WDR33: variants seen among roughly 807,000 people sequenced by gnomAD.
The protein encoded by WDR33 is pre-mRNA 3' end processing protein WDR33.
Under a neutral mutation model 164.9 loss-of-function variants are expected in WDR33, and 47 were observed. That is an observed-to-expected ratio of 0.29 (90% confidence interval 0.23 to 0.36). The LOEUF (loss-of-function observed/expected upper bound fraction) is 0.36, where lower values mean the gene tolerates loss of function less well. Ranked by LOEUF, WDR33 falls within the 10% of genes least tolerant of loss-of-function variation. The probability of loss-of-function intolerance (pLI) is 1.00; values close to 1 mark genes in which losing one functional copy is unlikely to be tolerated. For missense variants in WDR33, 1,137 were observed against 1,754.1 expected (o/e 0.65, Z 6.28); for synonymous variants, 505 against 589.0 (o/e 0.86, Z 2.06).
chr2:127,797,674 AT>A, intron 1 of WDR33, among the ~76,000 whole-genome samples: 1 of 152,196 alleles, frequency 6.6e-6, no homozygotes, highest in South Asian at 2.1e-4. Flanking sequence ...AAGGGTCTAG[AT>A]TTGATGATCT....
At chr2:127,731,777 T>G (rs1017270261) in intron 7 of WDR33, among the ~76,000 whole-genome samples, 2 of 152,152 alleles carry the variant, frequency 1.3e-5, no homozygotes, top group Non-Finnish European at 2.9e-5. Context: ...AAAGGGTACA[T>G]ATTACCTTAT....
rs762085545 is a variant in WDR33, at chr2:127,706,283, A to C, written c.*40T>G. On this transcript the variant is annotated 3_prime_UTR_variant, in exon 22 of 22. Coordinates refer to ENST00000322313, the MANE Select transcript of WDR33 (RefSeq NM_018383.5). The surrounding 1 kb of genome is among the most constrained non-coding windows in gnomAD (Gnocchi z 5.1). ...TGGTGAGTCCACAAGAAGTTCTTACATACTGTCCAGAGAGGCCTCAGGGTA... is the reference window on the plus strand; with the variant it reads ...TGGTGAGTCCACAAGAAGTTCTTACCTACTGTCCAGAGAGGCCTCAGGGTA... 3.4e-6 allele frequency: 5 copies of C among 1,482,496 alleles called. No individual in the cohort carries two copies. The highest frequency in any genetic ancestry group is 4.8e-5 in the Admixed American group (2 of 41,322). The allele number at this position is 1,482,496 out of a possible 1,614,324, so 91.8% of individuals were successfully genotyped here.
chr2:127,801,727 A>C (rs1380062302), intron 1 of WDR33, among the ~76,000 whole-genome samples: 2 of 152,068 alleles, frequency 1.3e-5, no homozygotes, highest in African/African-American at 4.8e-5. Context: ...TACTAAAAAT[A>C]CAAAAAATTA....
chr2:127,711,780 A>ATATATATATATATATATATATATTTTT, intron 18 of WDR33, among the ~76,000 whole-genome samples: 1 of 88,304 alleles, frequency 1.1e-5, no homozygotes, highest in African/African-American at 6.5e-5. Flanking sequence ...ATATATATAT[A>ATATATATATATATATATATATATTTTT]TTTTTTTTTT....
At chr2:127,750,602 T>C (rs1420679214) in intron 7 of WDR33, among the ~76,000 whole-genome samples, 2 of 132,828 alleles carry the variant, frequency 1.5e-5, no homozygotes, top group African/African-American at 5.8e-5. Flanking sequence ...TGAGTCGAGA[T>C]TGTAATCATT....
chr2:127,795,814 A>G (rs767460642), intron 1 of WDR33, among the ~76,000 whole-genome samples: 23 of 151,154 alleles, frequency 1.5e-4, no homozygotes, highest in Non-Finnish European at 2.9e-4. Flanking sequence ...AGCCTGGGCA[A>G]CACAGCAAGG....
intron 1 of WDR33, among the ~76,000 whole-genome samples, chr2:127,809,032 A>C (rs1337256414): frequency 9.2e-5 from 1 of 10,870 alleles, no homozygotes; most frequent in East Asian, 5.2e-3. Context: ...CTCTTGTCTC[A>C]AAAAAAAAAA....
rs1280803087 is a variant in WDR33, at chr2:127,735,089, C to G, written c.725-8312G>C. Among the ~76,000 whole-genome samples the G allele has an allele frequency of 6.6e-6, 1 of 152,202 alleles. No homozygotes were observed. Among genetic ancestry groups the G allele is most frequent in the Non-Finnish European group, 1.5e-5 (1 of 68,030 alleles). Reference sequence around the variant, plus strand: ...CTTGCTTTGTAGATAGTGAAGACTTCTTGTTCATTATTCCCTGTCCCAGAA... The same window carrying G: ...CTTGCTTTGTAGATAGTGAAGACTTGTTGTTCATTATTCCCTGTCCCAGAA... On this transcript the variant is annotated intron_variant, in intron 7 of 21. Coordinates refer to ENST00000322313, the MANE Select transcript of WDR33 (RefSeq NM_018383.5). The surrounding 1 kb of genome is among the most constrained non-coding windows in gnomAD (Gnocchi z 4.3).
At chr2:127,806,210 CT>C (rs200197402) in intron 1 of WDR33, among the ~76,000 whole-genome samples, 18,181 of 132,540 alleles carry the variant, frequency 0.14, 801 homozygotes, top group South Asian at 0.24. Flanking sequence ...TTTTCTTTTT[CT>C]TTTTTTTTTT....
Position 127,708,387 on chromosome 2 carries a change from G to A in WDR33, c.3781+290C>T, listed in dbSNP as rs1686067609. Reference sequence around the variant, plus strand: ...CAAGCAGCCTTGTGGAGGGCAGACTGCCAAGGAGAGCAGGGCTCCCAGACA... The same window carrying A: ...CAAGCAGCCTTGTGGAGGGCAGACTACCAAGGAGAGCAGGGCTCCCAGACA... On this transcript the variant is annotated intron_variant, in intron 21 of 21. Transcript: ENST00000322313. The surrounding 1 kb of genome is among the most constrained non-coding windows in gnomAD (Gnocchi z 6.7). 6.6e-6 allele frequency among the ~76,000 whole-genome samples: 1 copy of A among 152,218 alleles called. No individual in the cohort carries two copies. Among genetic ancestry groups the A allele is most frequent in the East Asian group, 1.9e-4 (1 of 5,196 alleles).
At chr2:127,737,815 A>G (rs899962908) in intron 7 of WDR33, 1 of 1,352,764 alleles carries the variant, frequency 7.4e-7, no homozygotes, top group Non-Finnish European at 9.5e-7. Context: ...TTAAGGATAC[A>G]CTTCTTTTTA....
chr2:127,731,805 G>T (rs1010581815), intron 7 of WDR33, among the ~76,000 whole-genome samples: 20 of 152,102 alleles, frequency 1.3e-4, no homozygotes, highest in African/African-American at 4.6e-4. Flanking sequence ...ATACTGCAGG[G>T]CCAGGCACTG....
chr2:127,752,948 A>C (rs142639289), intron 7 of WDR33, among the ~76,000 whole-genome samples: 9,821 of 152,222 alleles, frequency 0.065, 439 homozygotes, highest in Middle Eastern at 0.16. Flanking sequence ...TATGAGATGG[A>C]GTTTTGCTCT....
intron 1 of WDR33, among the ~76,000 whole-genome samples, chr2:127,796,731 C>T (rs1689055421): frequency 6.6e-6 from 1 of 151,992 alleles, no homozygotes; most frequent in African/African-American, 2.4e-5. Context: ...CCTTTGTATA[C>T]TGCCTTCAGG....
intron 7 of WDR33, chr2:127,737,151 G>A: frequency 3.0e-6 from 3 of 985,356 alleles, no homozygotes; most frequent in Non-Finnish European, 3.6e-6. Flanking sequence ...CTACTTTGCA[G>A]AGTATTCATC....
intron 1 of WDR33, among the ~76,000 whole-genome samples, chr2:127,788,451 G>A (rs1573463446): frequency 7.7e-6 from 1 of 129,218 alleles, no homozygotes; most frequent in African/African-American, 3.1e-5. Flanking sequence ...CTCCCGGACG[G>A]GGCGGCTGGC....
rs1482284922 is a variant in WDR33 at position 127,712,985 on chromosome 2, G to A, written c.3308+598C>T. ...TCGTTCAGGCTGTTCTTCAATTCCT[G>A]GCCTCAAGCGATCCTCCTGCCTCAG... On this transcript the variant is annotated intron_variant, in intron 18 of 21. Coordinates refer to ENST00000322313, the MANE Select transcript of WDR33 (RefSeq NM_018383.5). This position sits in a 1 kb window ranked among gnomAD's most constrained non-coding sequence, Gnocchi z 4.0. 6.6e-6 allele frequency among the ~76,000 whole-genome samples: 1 copy of A among 152,128 alleles called. No individual in the cohort carries two copies.
At chr2:127,715,595 G>A (rs536482798) in intron 17 of WDR33, among the ~76,000 whole-genome samples, 2 of 152,196 alleles carry the variant, frequency 1.3e-5, no homozygotes, top group African/African-American at 4.8e-5. Flanking sequence ...TGGTAGACAG[G>A]CTCCCTCACT....
At chr2:127,743,694 GA>G (rs1687090376) in intron 7 of WDR33, among the ~76,000 whole-genome samples, 1 of 152,110 alleles carries the variant, frequency 6.6e-6, no homozygotes, top group South Asian at 2.1e-4. Context: ...GTGAGCCAAG[GA>G]ATATTGGCTA....
Sources: gnomAD v4.1 joint callset for allele counts (sites outside exome capture counted in the v4.1 genomes callset) on GRCh38, gnomAD v4.1.1 for gene constraint, Gnocchi (gnomAD v3.1) non-coding constraint, MANE v1.5 for transcripts, NCBI Gene and HGNC (gene_info 2026-07-23, HGNC 2026-07-21) for gene names.